The following STIM2 variants were observed in gnomAD, a reference collection of about 807,000 sequenced individuals.
STIM2 encodes the protein stromal interaction molecule 2.
A neutral mutation model predicts 85.8 loss-of-function variants in STIM2; 31 were observed. That is an observed-to-expected ratio of 0.36 (90% CI 0.27 to 0.49). The LOEUF (loss-of-function observed/expected upper bound fraction) is 0.49. STIM2 is among the 20% of genes least tolerant of loss of function. The pLI is 0.98. For missense variants in STIM2, 841 were observed against 927.6 expected, an observed-to-expected ratio of 0.91 and a Z score of 1.21; for synonymous variants, 356 against 331.1, an observed-to-expected ratio of 1.08 and a Z score of -0.82.
intron 3 of STIM2, among the ~76,000 whole-genome samples, chr4:26,978,078 A>G (rs1433747820): frequency 6.6e-6 from 1 of 152,118 alleles, no homozygotes; most frequent in East Asian, 1.9e-4. Context: ...TAGGAGTAGA[A>G]GTAAAAGTCT....
At chr4:26,918,972 ACT>A (rs1724696889) in intron 1 of STIM2, among the ~76,000 whole-genome samples, 1 of 151,988 alleles carries the variant, frequency 6.6e-6, no homozygotes, top group Non-Finnish European at 1.5e-5. Context: ...ATATGGGTAG[ACT>A]CTTGGATTAT....
At chr4:26,889,617 A>T (rs138574327) in intron 1 of STIM2, among the ~76,000 whole-genome samples, 1 of 152,204 alleles carries the variant, frequency 6.6e-6, no homozygotes, top group Non-Finnish European at 1.5e-5. Flanking sequence ...GAACGGTGCC[A>T]TATCAGGGAC....
chr4:26,980,205 A>G (rs1727332946), intron 3 of STIM2, among the ~76,000 whole-genome samples: 1 of 152,242 alleles, frequency 6.6e-6, no homozygotes, highest in African/African-American at 2.4e-5. Flanking sequence ...GAATTTGCTT[A>G]TTTTGAAAGT....
rs763385147 is a variant in STIM2 at position 27,008,847 on chromosome 4, T to G, written c.1334T>G (p.Ile445Arg). Reference sequence around the variant, plus strand: ...ATTGAGAAGATCTGTGGCTTTCAGATAGCCCATAACTCAGGACTCCCCAGC... The same window carrying G: ...ATTGAGAAGATCTGTGGCTTTCAGAGAGCCCATAACTCAGGACTCCCCAGC... The change falls in exon 10 of 12, where the codon ATA becomes AGA. Residue 445 changes from isoleucine to arginine, a missense_variant. By Grantham distance (97) the Ile-to-Arg change is moderately conservative (BLOSUM62 -3). Transcript: ENST00000467087. The G allele has an allele frequency of 1.2e-6, 2 of 1,614,186 alleles. No individual in the cohort carries two copies. Among genetic ancestry groups the G allele is most frequent in the South Asian group, 2.2e-5 (2 of 91,080 alleles).
intron 1 of STIM2, among the ~76,000 whole-genome samples, chr4:26,871,990 A>G (rs1722636283): frequency 2.0e-5 from 3 of 152,212 alleles, no homozygotes; most frequent in South Asian, 4.1e-4. Flanking sequence ...TATCTCTAAA[A>G]TGGGATGCAA....
chr4:26,990,705 T>C (rs568997555), intron 3 of STIM2, among the ~76,000 whole-genome samples: 1 of 152,208 alleles, frequency 6.6e-6, no homozygotes, highest in South Asian at 2.1e-4. Flanking sequence ...AAGAGATTAA[T>C]AACCAGAATA....
At chr4:26,953,852 G>C (rs1395206672) in intron 2 of STIM2, among the ~76,000 whole-genome samples, 4 of 152,018 alleles carry the variant, frequency 2.6e-5, no homozygotes, top group Non-Finnish European at 4.4e-5. Flanking sequence ...TAAAAGTCCA[G>C]AGCCATGGCC....
intron 1 of STIM2, among the ~76,000 whole-genome samples, chr4:26,870,324 A>T (rs773740051): frequency 4.6e-5 from 7 of 151,764 alleles, no homozygotes; most frequent in Non-Finnish European, 1.0e-4. Context: ...TAAGGATGTG[A>T]TGTGATGGAT....
At chr4:27,022,122 G>T (rs1178294974) in intron 11 of STIM2, among the ~76,000 whole-genome samples, 3 of 151,996 alleles carry the variant, frequency 2.0e-5, no homozygotes, top group Non-Finnish European at 4.4e-5. Context: ...AAAGGGAGAG[G>T]CAGTGACTAA....
chr4:26,999,370 A>T (rs746837581), intron 5 of STIM2, 23 bp downstream of exon 5: 1 of 1,478,536 alleles, frequency 6.8e-7, no homozygotes. Context: ...TCTCACTCAG[A>T]GGATGATGTA....
At chr4:26,945,223 T>G (rs1725773900) in intron 2 of STIM2, among the ~76,000 whole-genome samples, 1 of 152,212 alleles carries the variant, frequency 6.6e-6, no homozygotes, top group Non-Finnish European at 1.5e-5. Context: ...TGTGTTAGTT[T>G]GCTAAGGATA....
At chr4:26,984,358 A>AG (rs1560229834) in intron 3 of STIM2, among the ~76,000 whole-genome samples, 7 of 152,016 alleles carry the variant, frequency 4.6e-5, no homozygotes, top group African/African-American at 7.3e-5. Context: ...CTATTTCTCC[A>AG]ATTTTTTTTG....
chr4:26,872,110 G>A (rs1722641222), intron 1 of STIM2, among the ~76,000 whole-genome samples: 1 of 152,182 alleles, frequency 6.6e-6, no homozygotes, highest in African/African-American at 2.4e-5. Flanking sequence ...ACAGAGGTAG[G>A]ATAGTTGTAG....
chr4:26,944,466 C>T lies in STIM2; in HGVS notation c.283-13146C>T, dbSNP rs114740750. On this transcript the variant is annotated intron_variant, in intron 2 of 11. Transcript: ENST00000467087. ...AGGGATTTTTGTTTCTTTTGTCTTG[C>T]TCTATTCCCACCATTGGTCCATAAT... Among the ~76,000 whole-genome samples, 820 of 152,134 alleles carry T rather than the reference C, an allele frequency of 5.4e-3. 6 individuals are homozygous for T. Among genetic ancestry groups the T allele is most frequent in the African/African-American group, 0.019 (780 of 41,510 alleles).
At chr4:26,870,101 A>T (rs1291584342) in intron 1 of STIM2, among the ~76,000 whole-genome samples, 1 of 152,156 alleles carries the variant, frequency 6.6e-6, no homozygotes, top group Non-Finnish European at 1.5e-5. Flanking sequence ...TCAAACTTAC[A>T]GAGTAGAATG....
chr4:26,902,775 C>T (rs1477792922), intron 1 of STIM2, among the ~76,000 whole-genome samples: 1 of 152,158 alleles, frequency 6.6e-6, no homozygotes, highest in African/African-American at 2.4e-5. Context: ...GTCCTTTCCT[C>T]ATGTCCTGAG....
intron 3 of STIM2, among the ~76,000 whole-genome samples, chr4:26,970,248 TATGTA>T (rs1403105448): frequency 4.9e-4 from 37 of 74,818 alleles, no homozygotes; most frequent in Non-Finnish European, 8.1e-4. Context: ...TATATATATG[TATGTA>T]TTTTTTTATT....
At chr4:26,999,120 C>A in intron 4 of STIM2, 112 bp from the exon 5 acceptor site, 1 of 369,648 alleles carries the variant, frequency 2.7e-6, no homozygotes, top group Non-Finnish European at 4.6e-6. Context: ...CAACAGTGAT[C>A]ATCAATAATA....
intron 3 of STIM2, among the ~76,000 whole-genome samples, chr4:26,983,013 C>T (rs1324319820): frequency 1.3e-5 from 2 of 152,316 alleles, no homozygotes; most frequent in East Asian, 1.9e-4. Context: ...ATGTGGGCCT[C>T]GGCCTTCACA....
Sources: gnomAD v4.1 joint callset for allele counts (sites outside exome capture counted in the v4.1 genomes callset) on GRCh38, gnomAD v4.1.1 for gene constraint, MANE v1.5 for transcripts, NCBI Gene and HGNC (gene_info 2026-07-23, HGNC 2026-07-21) for gene names.